TMTC2: variants seen among roughly 807,000 people sequenced by gnomAD.
TMTC2 encodes the protein protein O-mannosyl-transferase TMTC2.
In TMTC2, 43 loss-of-function variants were observed where a neutral mutation model predicts 82.4. The observed-to-expected ratio is 0.52, with a 90% CI of 0.41 to 0.67. TMTC2 has a LOEUF of 0.67. Ranked by LOEUF, TMTC2 falls within the 30% of genes least tolerant of loss-of-function variation. The pLI, the probability that TMTC2 is intolerant of heterozygous loss-of-function variation, is 0.00. For missense variants in TMTC2, 919 were observed against 1,012.4 expected, an observed-to-expected ratio of 0.91 and a Z score of 1.25; for synonymous variants, 408 against 381.9, an observed-to-expected ratio of 1.07 and a Z score of -0.80.
chr12:83,120,664 G>T (rs1052778679), intron 11 of TMTC2, among the ~76,000 whole-genome samples: 1 of 152,206 alleles, frequency 6.6e-6, no homozygotes, highest in Admixed American at 6.5e-5. Context: ...TTTCCCAGGT[G>T]TTCTTTGTGC....
chr12:82,721,198 A>G (rs974252376), intron 1 of TMTC2, among the ~76,000 whole-genome samples: 1 of 152,178 alleles, frequency 6.6e-6, no homozygotes, highest in African/African-American at 2.4e-5. Flanking sequence ...TCTGGTAAAT[A>G]AAAGTTACTC....
chr12:82,690,333 G>T, intron 1 of TMTC2: 1 of 984,406 alleles, frequency 1.0e-6, no homozygotes, highest in Non-Finnish European at 1.2e-6. Flanking sequence ...ATCCAGTTCT[G>T]TAAGGAGAGG....
intron 3 of TMTC2, among the ~76,000 whole-genome samples, chr12:82,919,280 C>G (rs1875235963): frequency 6.6e-6 from 1 of 152,192 alleles, no homozygotes; most frequent in Non-Finnish European, 1.5e-5. Flanking sequence ...AACATTAATG[C>G]ATCCATGAGG....
chr12:83,012,123 C>A (rs1450659047), intron 8 of TMTC2, among the ~76,000 whole-genome samples: 1 of 152,090 alleles, frequency 6.6e-6, no homozygotes, highest in Non-Finnish European at 1.5e-5. Flanking sequence ...TAACTATTAT[C>A]ATGTCTATCT....
chr12:83,029,536 T>C (rs777051546), intron 8 of TMTC2, among the ~76,000 whole-genome samples: 18 of 152,156 alleles, frequency 1.2e-4, no homozygotes, highest in Non-Finnish European at 2.2e-4. Flanking sequence ...AAACATTGCC[T>C]GAAGTTTATG....
At chr12:82,858,958 A>C (rs1871392279) in intron 2 of TMTC2, among the ~76,000 whole-genome samples, 1 of 152,144 alleles carries the variant, frequency 6.6e-6, no homozygotes, top group African/African-American at 2.4e-5. Context: ...CAACTAGGAG[A>C]AGTGTAATTC....
intron 11 of TMTC2, among the ~76,000 whole-genome samples, chr12:83,093,407 G>A (rs1883910149): frequency 6.6e-6 from 1 of 152,158 alleles, no homozygotes; most frequent in African/African-American, 2.4e-5. Context: ...CGTTTCTTTT[G>A]TGCCCAAAAG....
At chr12:82,725,451 C>T (rs901245896) in intron 1 of TMTC2, among the ~76,000 whole-genome samples, 3 of 152,096 alleles carry the variant, frequency 2.0e-5, no homozygotes, top group East Asian at 1.9e-4. Flanking sequence ...GGATAGTCTA[C>T]AAGATTCTTA....
intron 11 of TMTC2, among the ~76,000 whole-genome samples, chr12:83,093,195 G>A (rs1273029746): frequency 6.6e-6 from 1 of 152,064 alleles, no homozygotes; most frequent in Non-Finnish European, 1.5e-5. Context: ...ACGACATAAA[G>A]AATAATGAAA....
At chr12:82,928,131 T>G (rs538386231) in intron 3 of TMTC2, among the ~76,000 whole-genome samples, 1 of 152,154 alleles carries the variant, frequency 6.6e-6, no homozygotes, top group Non-Finnish European at 1.5e-5. Flanking sequence ...CCTTAAAATA[T>G]TCAAAGGTAT....
At chr12:82,937,926 T>TA (rs1555199281) in intron 4 of TMTC2, among the ~76,000 whole-genome samples, 18 of 91,386 alleles carry the variant, frequency 2.0e-4, no homozygotes, top group Admixed American at 8.6e-4. Context: ...TTTTTTATTT[T>TA]TTTTTTTTGA....
intron 3 of TMTC2, among the ~76,000 whole-genome samples, chr12:82,913,237 A>G (rs971594226): frequency 1.3e-5 from 2 of 152,134 alleles, no homozygotes; most frequent in Admixed American, 6.5e-5. Flanking sequence ...CAGTTGATGA[A>G]GTCACTAAAG....
At chr12:82,940,630 G>A (rs1209327581) in intron 4 of TMTC2, among the ~76,000 whole-genome samples, 1 of 150,306 alleles carries the variant, frequency 6.7e-6, no homozygotes, top group African/African-American at 2.4e-5. Context: ...CCTCTGGTGG[G>A]GCCTCTGCAC....
intron 8 of TMTC2, among the ~76,000 whole-genome samples, chr12:82,993,908 A>C (rs1026592068): frequency 6.6e-6 from 1 of 152,094 alleles, no homozygotes; most frequent in East Asian, 1.9e-4. Context: ...ATTTGCAAAG[A>C]GGTAGGGGCT....
chr12:82,898,913 A>G (rs1309976217), intron 3 of TMTC2, among the ~76,000 whole-genome samples: 2 of 152,236 alleles, frequency 1.3e-5, no homozygotes, highest in African/African-American at 4.8e-5. Context: ...GCAGTCAGTC[A>G]GAATAAGTGA....
chr12:83,026,926 T>C (rs1484501179), intron 8 of TMTC2, among the ~76,000 whole-genome samples: 2 of 152,170 alleles, frequency 1.3e-5, no homozygotes, highest in Non-Finnish European at 2.9e-5. Flanking sequence ...TCCCATGATA[T>C]AGATTAGGCT....
chr12:82,845,003 G>C (rs187041553), intron 1 of TMTC2, among the ~76,000 whole-genome samples: 5 of 151,100 alleles, frequency 3.3e-5, no homozygotes, highest in African/African-American at 7.3e-5. Context: ...CGAGGTGGGC[G>C]GATCACTTGA....
At chr12:82,889,285 T>G (rs1218455961) in intron 2 of TMTC2, among the ~76,000 whole-genome samples, 1 of 150,058 alleles carries the variant, frequency 6.7e-6, no homozygotes, top group Non-Finnish European at 1.5e-5. Flanking sequence ...AAAAAAAAAG[T>G]GTAGGAAATG....
At chr12:83,037,669 T>G (rs1311947598) in intron 9 of TMTC2, among the ~76,000 whole-genome samples, 1 of 152,116 alleles carries the variant, frequency 6.6e-6, no homozygotes, top group African/African-American at 2.4e-5. Context: ...TTAAAATGTA[T>G]CTAATAAATT....
Sources: gnomAD v4.1 joint callset for allele counts (sites outside exome capture counted in the v4.1 genomes callset) on GRCh38, gnomAD v4.1.1 for gene constraint, MANE v1.5 for transcripts, NCBI Gene and HGNC (gene_info 2026-07-23, HGNC 2026-07-21) for gene names.